FRYL: variants seen among roughly 807,000 people sequenced by gnomAD.
FRYL encodes the protein FRY like transcription coactivator.
Under a neutral mutation model 351.2 loss-of-function variants are expected in FRYL, and 150 were observed. The observed-to-expected ratio is 0.43, with a 90% confidence interval of 0.37 to 0.49. FRYL has a LOEUF of 0.49. Among genes scored for constraint, FRYL ranks in the 20% least tolerant of loss-of-function variants. The pLI is 0.00. For synonymous variants in FRYL, 1,153 were observed against 1,257.1 expected (o/e 0.92, Z 1.75); for missense variants, 3,036 against 3,619.3 (o/e 0.84, Z 4.13).
intron 19 of FRYL, 115 bp downstream of exon 19, chr4:48,586,503 AAAG>A: frequency 3.2e-6 from 2 of 628,186 alleles, no homozygotes; most frequent in Non-Finnish European, 5.5e-6. Flanking sequence ...TAAATCAGAT[AAAG>A]GATTAGAAAT....
chr4:48,718,304 A>G (rs1482296851), intron 1 of FRYL, among the ~76,000 whole-genome samples: 1 of 151,656 alleles, frequency 6.6e-6, no homozygotes, highest in Non-Finnish European at 1.5e-5. Context: ...AGCCACTTTA[A>G]AAACATTTTA....
At chr4:48,548,288 T>TA (rs1731844509) in intron 40 of FRYL, among the ~76,000 whole-genome samples, 1 of 152,182 alleles carries the variant, frequency 6.6e-6, no homozygotes, top group Non-Finnish European at 1.5e-5. Flanking sequence ...GTTTCAGGTA[T>TA]AATAATGAGG....
At chr4:48,773,042 A>G (rs1400519171) in intron 1 of FRYL, among the ~76,000 whole-genome samples, 1 of 152,222 alleles carries the variant, frequency 6.6e-6, no homozygotes, top group African/African-American at 2.4e-5. Flanking sequence ...TAGTCACTCA[A>G]AATAGTCTTA....
At chr4:48,547,885 C>T (rs762874472) in intron 40 of FRYL, 116 bp from the exon 41 acceptor site, 17 of 665,888 alleles carry the variant, frequency 2.6e-5, no homozygotes, top group Non-Finnish European at 4.6e-6. Flanking sequence ...TGGAAGGTGA[C>T]ATATTATATG....
chr4:48,672,759 C>T (rs757169406), intron 3 of FRYL, among the ~76,000 whole-genome samples: 2 of 152,198 alleles, frequency 1.3e-5, no homozygotes, highest in Admixed American at 1.3e-4. Flanking sequence ...AACCTCAACT[C>T]AATTTTCTCC....
At position 48,497,576 on chromosome 4, in the gene FRYL, A is replaced by G. The variant is rs1718708288; in HGVS notation, c.*1846T>C. On this transcript the variant is annotated 3_prime_UTR_variant, in exon 64 of 64. Coordinates refer to ENST00000358350, the MANE Select transcript of FRYL (RefSeq NM_015030.2). ...AAATACAACACAAACCAACAGCTAC[A>G]ATGCTTTTTATTTTTAACAAAAAGG... 6.6e-6 allele frequency: 1 copy of G among 152,602 alleles called. No homozygotes were observed. Among genetic ancestry groups the G allele is most frequent in the Non-Finnish European group, 1.5e-5 (1 of 68,034 alleles). 9.5% of individuals were successfully genotyped at this position (152,602 alleles called of 1,614,324 possible).
intron 1 of FRYL, among the ~76,000 whole-genome samples, chr4:48,754,269 C>T (rs1022455722): frequency 1.5e-4 from 23 of 152,124 alleles, no homozygotes; most frequent in African/African-American, 5.3e-4. Context: ...TGGCATCATA[C>T]AATATGTGAT....
At chr4:48,510,212 C>A in intron 58 of FRYL, 55 bp from the exon 59 acceptor site, 1 of 1,292,982 alleles carries the variant, frequency 7.7e-7, no homozygotes, top group East Asian at 2.3e-5. Flanking sequence ...AATCATGAGA[C>A]TCACAAAATC....
chr4:48,719,671 C>A lies in FRYL; in HGVS notation c.-383-8973G>T, dbSNP rs1019750095. On this transcript the variant is annotated intron_variant, in intron 1 of 63. Coordinates refer to ENST00000358350, the MANE Select transcript of FRYL (RefSeq NM_015030.2). The stretch of plus-strand genomic sequence containing the variant: ...CAATCAACTGTTTAAGGTTTGACAC[C>A]TCTGGAAGTTAAGATGATAAAAATT... Among the ~76,000 whole-genome samples the A allele has an allele frequency of 4.6e-5, 7 of 151,712 alleles. 3 individuals carry two copies.
chr4:48,606,465 ATCT>A lies in FRYL; in HGVS notation c.711_713del (p.Glu237del). The A allele has an allele frequency of 6.2e-7, 1 of 1,610,566 alleles. No homozygotes were observed. Among genetic ancestry groups the A allele is most frequent in the Non-Finnish European group, 8.5e-7 (1 of 1,177,444 alleles). On this transcript the variant is annotated inframe_deletion, in exon 10 of 64. Transcript: ENST00000358350. Reference sequence around the variant, plus strand: ...GCATAAATTGAAATGATGCTTCAAAATCTTCTACAGGATACATTTTTACTCGAA... The same window carrying A: ...GCATAAATTGAAATGATGCTTCAAAATCTACAGGATACATTTTTACTCGAA...
intron 1 of FRYL, among the ~76,000 whole-genome samples, chr4:48,767,355 T>C (rs1399951720): frequency 6.6e-6 from 1 of 152,166 alleles, no homozygotes; most frequent in Non-Finnish European, 1.5e-5. Context: ...TCTGACCGAA[T>C]GATCCAATCA....
Position 48,498,571 on chromosome 4 carries a change from C to T in FRYL, c.*851G>A, listed in dbSNP as rs1718884484. ...TAGTTATCAACAATCATAACATAAG[C>T]ACTGATCAGAGAACTGAGCAGCATT... On this transcript the variant is annotated 3_prime_UTR_variant, in exon 64 of 64. Coordinates refer to ENST00000358350, the MANE Select transcript of FRYL (RefSeq NM_015030.2). The T allele has an allele frequency of 6.6e-6, 1 of 152,576 alleles. No homozygotes were observed. The highest frequency in any genetic ancestry group is 2.1e-4 in the South Asian group (1 of 4,822). 9.5% of individuals were successfully genotyped at this position (152,576 alleles called of 1,614,324 possible). A position where few individuals can be genotyped will look rare whatever the true frequency, so the allele number is the denominator to read the frequency against.
intron 31 of FRYL, 59 bp downstream of exon 31, chr4:48,563,889 A>G: frequency 6.4e-7 from 1 of 1,565,464 alleles, no homozygotes; most frequent in Non-Finnish European, 8.6e-7. Context: ...AATTCAAAAG[A>G]AAAACTTTTC....
chr4:48,523,218 AAGC>A (rs1409946488), intron 53 of FRYL, 114 bp from the exon 54 acceptor site: 1 of 661,562 alleles, frequency 1.5e-6, no homozygotes, highest in Non-Finnish European at 2.6e-6. Context: ...GCATCATTAA[AAGC>A]AGAGTTTCAA....
At chr4:48,694,443 T>C (rs1765956469) in intron 2 of FRYL, among the ~76,000 whole-genome samples, 2 of 151,978 alleles carry the variant, frequency 1.3e-5, no homozygotes, top group African/African-American at 2.4e-5. Flanking sequence ...ATTACAGGCA[T>C]GTGCCACTGC....
At chr4:48,636,329 T>C (rs113385324) in intron 3 of FRYL, among the ~76,000 whole-genome samples, 16 of 152,080 alleles carry the variant, frequency 1.1e-4, no homozygotes, top group Non-Finnish European at 2.1e-4. Flanking sequence ...AAGGTAGTGG[T>C]TACAAACTAT....
rs1480587994 is a variant in FRYL at position 48,545,983 on chromosome 4, C to A, written c.5279+84G>T. Reference sequence around the variant, plus strand: ...TTCACATCAATGGTATTTCAGACAACAAAAATATGGCTCATAATACCTGAT... The same window carrying A: ...TTCACATCAATGGTATTTCAGACAAAAAAAATATGGCTCATAATACCTGAT... On this transcript the variant is annotated intron_variant, in intron 42 of 63. Transcript: ENST00000358350. 5 of 1,287,126 alleles carry A rather than the reference C, an allele frequency of 3.9e-6. No individual in the cohort carries two copies. The African/African-American group carries it at 7.4e-5, about 19-fold the overall frequency. The allele number at this position is 1,287,126 out of a possible 1,614,324, so 79.7% of individuals were successfully genotyped here.
At chr4:48,766,973 CAT>C (rs1482918471) in intron 1 of FRYL, among the ~76,000 whole-genome samples, 1 of 147,140 alleles carries the variant, frequency 6.8e-6, no homozygotes, top group Non-Finnish European at 1.5e-5. Flanking sequence ...GATAAAAAAT[CAT>C]AATATATATC....
At chr4:48,727,235 G>A (rs6447655) in intron 1 of FRYL, among the ~76,000 whole-genome samples, 62,738 of 151,822 alleles carry the variant, frequency 0.41, 14,261 homozygotes, top group Admixed American at 0.56. Context: ...AAGAAGAGAC[G>A]TCTGGTTTCT....
Sources: gnomAD v4.1 joint callset for allele counts (sites outside exome capture counted in the v4.1 genomes callset) on GRCh38, gnomAD v4.1.1 for gene constraint, MANE v1.5 for transcripts, NCBI Gene and HGNC (gene_info 2026-07-23, HGNC 2026-07-21) for gene names.